The following CNBD1 variants were observed in gnomAD, a reference collection of about 807,000 sequenced individuals.
CNBD1 encodes cyclic nucleotide-binding domain-containing protein 1.
In CNBD1, 71 loss-of-function variants were observed where a neutral mutation model predicts 54.4. The ratio of observed to expected loss-of-function variants is 1.30; its 90% CI spans 1.08 to 1.59. The LOEUF is 1.59. CNBD1 is among the 40% of genes most tolerant of loss of function. The pLI is 0.00. For missense variants in CNBD1, 659 were observed against 518.0 expected (o/e 1.27, Z -2.64); for synonymous variants, 182 against 170.7 (o/e 1.07, Z -0.51).
rs1393252556 is a variant in CNBD1 at position 87,085,601 on chromosome 8, C to T, written c.432-120392C>T. Among the ~76,000 whole-genome samples, 3 of 152,076 alleles carry T rather than the reference C, an allele frequency of 2.0e-5. No homozygotes were observed. In the East Asian group the frequency reaches 5.8e-4, roughly 29 times the overall value. On this transcript the variant is annotated intron_variant, in intron 4 of 10. Transcript: ENST00000518476. The stretch of plus-strand genomic sequence containing the variant: ...CAAATTCCTCTAGTGTTGTCTTTTA[C>T]TTAGAGTGGCAGCTGAGTAGCAAGT...
chr8:87,018,090 A>G (rs936687615), intron 4 of CNBD1, among the ~76,000 whole-genome samples: 4 of 152,142 alleles, frequency 2.6e-5, no homozygotes, highest in African/African-American at 9.7e-5. Flanking sequence ...CTGAAAATGC[A>G]AAATTAGCCA....
Position 87,094,189 on chromosome 8 carries a change from C to T in CNBD1, c.432-111804C>T, listed in dbSNP as rs188655206. On this transcript the variant is annotated intron_variant, in intron 4 of 10. Transcript: ENST00000518476. ...GCAAACAGACTAAAGGCTTAGGTTG[C>T]GCACAACGCTCACTTTATCACTTTT... Among the ~76,000 whole-genome samples the T allele has an allele frequency of 3.3e-5, 5 of 152,116 alleles. No individual in the cohort carries two copies. In the East Asian group the frequency reaches 7.8e-4, roughly 24 times the overall value.
intron 4 of CNBD1, among the ~76,000 whole-genome samples, chr8:87,174,484 G>A (rs1446220545): frequency 1.3e-5 from 2 of 152,074 alleles, no homozygotes; most frequent in African/African-American, 2.4e-5. Context: ...CCTTCTCTGT[G>A]TTATCTTTAA....
chr8:87,184,364 GAC>G (rs1311978376), intron 4 of CNBD1, among the ~76,000 whole-genome samples: 1 of 152,176 alleles, frequency 6.6e-6, no homozygotes, highest in Non-Finnish European at 1.5e-5. Context: ...GCATGGGAAA[GAC>G]AGCCCTGCTC....
intron 2 of CNBD1, among the ~76,000 whole-genome samples, chr8:87,423,991 T>G (rs1807994271): frequency 6.6e-6 from 1 of 152,216 alleles, no homozygotes. Flanking sequence ...AACTTCTTCC[T>G]GGTTTAGTCT....
At chr8:87,140,211 TTCTCTC>T (rs751577787) in intron 4 of CNBD1, among the ~76,000 whole-genome samples, 7 of 149,572 alleles carry the variant, frequency 4.7e-5, no homozygotes, top group Non-Finnish European at 7.5e-5. Flanking sequence ...TCTGTCTCTC[TTCTCTC>T]TCTCTCTCTC....
intron 8 of CNBD1, among the ~76,000 whole-genome samples, chr8:87,300,294 A>G (rs1321084426): frequency 6.6e-6 from 1 of 152,208 alleles, no homozygotes; most frequent in Admixed American, 6.5e-5. Context: ...GATTAGACAC[A>G]GACACAGCAT....
Position 87,275,671 on chromosome 8 carries a change from G to A in CNBD1, c.772-9007G>A, listed in dbSNP as rs542453097. ...CCTTTGAAAACTGGCACAAGACAGG[G>A]ATGCCCTCTCTCACCACTCCTATTC... On this transcript the variant is annotated intron_variant, in intron 6 of 10. Transcript: ENST00000518476. Among the ~76,000 whole-genome samples the A allele has an allele frequency of 3.1e-3, 463 of 151,768 alleles. 2 individuals carry two copies. The highest frequency in any genetic ancestry group is 0.01 in the African/African-American group (425 of 41,378).
At chr8:86,914,972 A>C (rs1424422162) in intron 3 of CNBD1, among the ~76,000 whole-genome samples, 1 of 152,238 alleles carries the variant, frequency 6.6e-6, no homozygotes, top group African/African-American at 2.4e-5. Flanking sequence ...GAGCCAATTT[A>C]TCAAGGCAGG....
chr8:87,017,282 T>A lies in CNBD1; in HGVS notation c.431+77528T>A, dbSNP rs189897888. Among the ~76,000 whole-genome samples the A allele has an allele frequency of 3.9e-4, 60 of 152,324 alleles. 1 individual carries two copies. Among genetic ancestry groups the A allele is most frequent in the Admixed American group, 2.0e-4 (3 of 15,298 alleles). The stretch of plus-strand genomic sequence containing the variant: ...ATGCCTTATAAAAATAGGTACTATA[T>A]CTAACTGGGAATGTTTTCCCCTTTC... On this transcript the variant is annotated intron_variant, in intron 4 of 10. Coordinates refer to ENST00000518476, the MANE Select transcript of CNBD1 (RefSeq NM_173538.3).
intron 8 of CNBD1, among the ~76,000 whole-genome samples, chr8:87,328,026 T>A (rs1266075650): frequency 3.3e-5 from 5 of 152,086 alleles, no homozygotes; most frequent in African/African-American, 1.2e-4. Flanking sequence ...AATGCAGGTT[T>A]GTTCCATAGG....
At chr8:87,252,611 C>T (rs567824266) in intron 6 of CNBD1, among the ~76,000 whole-genome samples, 5 of 152,148 alleles carry the variant, frequency 3.3e-5, no homozygotes, top group East Asian at 1.9e-4. Context: ...ATGAATGCAA[C>T]CTTGATCCTG....
chr8:86,996,708 A>G (rs1479351007), intron 4 of CNBD1, among the ~76,000 whole-genome samples: 1 of 152,234 alleles, frequency 6.6e-6, no homozygotes, highest in East Asian at 1.9e-4. Flanking sequence ...GGTACAATGA[A>G]AGCACAATGA....
At chr8:86,921,913 G>A (rs192878116) in intron 3 of CNBD1, among the ~76,000 whole-genome samples, 1 of 152,214 alleles carries the variant, frequency 6.6e-6, no homozygotes, top group Admixed American at 6.5e-5. Context: ...GTGCTGACAG[G>A]GTCTGAGTAA....
chr8:87,334,717 TTCTTTTC>T (rs1387834013), intron 8 of CNBD1, among the ~76,000 whole-genome samples: 3 of 136,146 alleles, frequency 2.2e-5, no homozygotes, highest in Non-Finnish European at 4.8e-5. Flanking sequence ...CTTTTCTTTT[TTCTTTTC>T]TTTTTTTTTT....
At chr8:87,214,570 C>T (rs775885158) in intron 5 of CNBD1, among the ~76,000 whole-genome samples, 2 of 152,094 alleles carry the variant, frequency 1.3e-5, no homozygotes, top group African/African-American at 2.4e-5. Flanking sequence ...ACAACAGCAC[C>T]CCACTCTACC....
chr8:87,387,802 C>T (rs1811222058), downstream of CNBD1, among the ~76,000 whole-genome samples: 1 of 152,166 alleles, frequency 6.6e-6, no homozygotes, highest in African/African-American at 2.4e-5. Flanking sequence ...GCAGAATATA[C>T]ATTCTTTTCA....
chr8:87,202,041 A>G (rs984493580), intron 4 of CNBD1, among the ~76,000 whole-genome samples: 1 of 152,232 alleles, frequency 6.6e-6, no homozygotes, highest in East Asian at 1.9e-4. Flanking sequence ...TGAAAATGTA[A>G]TAACAAATAT....
In CNBD1 at chr8:86,994,820, C is replaced by T. The variant is rs529845176; in HGVS notation, c.431+55066C>T. On this transcript the variant is annotated intron_variant, in intron 4 of 10. Coordinates refer to ENST00000518476, the MANE Select transcript of CNBD1 (RefSeq NM_173538.3). ...GTTTTGTTGATATTTTGGTCACTCT[C>T]AGTGGGAGTGGCACTTCCTGCCTTT... Among the ~76,000 whole-genome samples the T allele has an allele frequency of 4.6e-5, 7 of 152,272 alleles. 1 individual carries two copies. In the South Asian group the frequency reaches 1.5e-3, roughly 32 times the overall value.
Sources: gnomAD v4.1 joint callset for allele counts (sites outside exome capture counted in the v4.1 genomes callset) on GRCh38, gnomAD v4.1.1 for gene constraint, MANE v1.5 for transcripts, NCBI Gene and HGNC (gene_info 2026-07-23, HGNC 2026-07-21) for gene names.